The following TUT7 variants were observed in gnomAD, a reference collection of about 807,000 sequenced individuals.
TUT7 encodes the protein terminal uridylyl transferase 7, also known as terminal uridylyltransferase 7.
A neutral mutation model predicts 165.9 loss-of-function variants in TUT7; 33 were observed. The observed-to-expected ratio is 0.20, with a 90% CI of 0.15 to 0.27. The LOEUF (loss-of-function observed/expected upper bound fraction) is 0.27, where lower values mean the gene tolerates loss of function less well. Ranked by LOEUF, TUT7 falls within the 10% of genes least tolerant of loss-of-function variation. The pLI is 1.00. For missense variants in TUT7, 1,338 were observed against 1,762.3 expected, an observed-to-expected ratio of 0.76 and a Z score of 4.31; for synonymous variants, 552 against 608.1, an observed-to-expected ratio of 0.91 and a Z score of 1.36.
chr9:86,320,257 C>CAAA (rs10656642), intron 14 of TUT7, among the ~76,000 whole-genome samples: 168 of 112,328 alleles, frequency 1.5e-3, no homozygotes, highest in Middle Eastern at 4.6e-3. Flanking sequence ...AAAAATTTCC[C>CAAA]AAAAAAAAAA....
intron 26 of TUT7, among the ~76,000 whole-genome samples, 167 bp downstream of exon 26, chr9:86,301,109 T>C (rs1826848097): frequency 6.6e-6 from 1 of 152,138 alleles, no homozygotes; most frequent in Non-Finnish European, 1.5e-5. Flanking sequence ...ATATGGAGGA[T>C]CAACATTAAA....
At chr9:86,315,523 T>A (rs1031994355) in intron 17 of TUT7, among the ~76,000 whole-genome samples, 1 of 152,246 alleles carries the variant, frequency 6.6e-6, no homozygotes, top group Non-Finnish European at 1.5e-5. Flanking sequence ...ATGCAACTTT[T>A]GCTGCTTTCC....
chr9:86,291,764 T>C (rs998748018), intron 26 of TUT7, among the ~76,000 whole-genome samples: 2 of 152,124 alleles, frequency 1.3e-5, no homozygotes, highest in Non-Finnish European at 2.9e-5. Flanking sequence ...GTTCTAATTA[T>C]TTCAGCCAAT....
Position 86,352,864 on chromosome 9 carries a change from G to T in TUT7, c.336C>A (p.Asn112Lys), listed in dbSNP as rs1290648051. Residue 112 changes from asparagine (N) to lysine (K), a missense_variant, in exon 2 of 27, where the codon AAC (asparagine) becomes AAA (lysine). Asn to Lys is a moderately conservative substitution (Grantham distance 94). Transcript: ENST00000375963. ...LSDEHTGNSD[N>K]WREFKPGPRI... ...TAGGTCCAGGTTTGAATTCTCTCCA[G>T]TTGTCTGAATTACCAGTATGTTCAT... 6.2e-7 allele frequency: 1 copy of T among 1,614,170 alleles called. No individual in the cohort carries two copies. The highest frequency in any genetic ancestry group is 8.5e-7 in the Non-Finnish European group (1 of 1,180,034).
chr9:86,337,303 T>C, intron 10 of TUT7, 116 bp downstream of exon 10: 1 of 1,154,314 alleles, frequency 8.7e-7, no homozygotes, highest in East Asian at 2.4e-5. Context: ...ATGAGTAGAA[T>C]AAATAAATCC....
intron 25 of TUT7, among the ~76,000 whole-genome samples, chr9:86,302,840 C>T (rs929845049): frequency 1.4e-4 from 22 of 152,126 alleles, no homozygotes; most frequent in African/African-American, 4.6e-4. Flanking sequence ...AACTCCTGAC[C>T]TCAGGTGATC....
At chr9:86,320,467 T>G (rs1248924981) in intron 14 of TUT7, among the ~76,000 whole-genome samples, 1 of 152,186 alleles carries the variant, frequency 6.6e-6, no homozygotes, top group East Asian at 1.9e-4. Flanking sequence ...GGCTATTAAT[T>G]AGCGTTACTC....
chr9:86,319,217 C>A (rs890878704), intron 15 of TUT7, among the ~76,000 whole-genome samples, 159 bp from the exon 16 acceptor site: 2 of 152,126 alleles, frequency 1.3e-5, no homozygotes, highest in East Asian at 3.9e-4. Context: ...ATGCTAAAGT[C>A]TTTTTCTCTC....
At position 86,323,789 on chromosome 9, in the gene TUT7, G is replaced by A; in HGVS notation, c.1961C>T (p.Ser654Phe). 6.2e-7 allele frequency: 1 copy of A among 1,613,904 alleles called. No homozygotes were observed. The highest frequency in any genetic ancestry group is 2.2e-5 in the East Asian group (1 of 44,884). ...TGGATGATGATTTATTACTTCTTTA[G>A]AATGTTCTGAAATACATGTAATTGC... is the stretch of plus-strand genomic sequence containing the variant. ...LNAITCISEH[S>F]KEVINHHPDV... The change falls in exon 13 of 27, where the codon TCT becomes TTT. Residue 654 changes from serine (S) to phenylalanine (F), a missense_variant. Around this residue, in one of 7 missense-constraint regions of TUT7, gnomAD observed 425 missense variants for 474.9 expected, o/e 0.89. Transcript: ENST00000375963.
At position 86,346,457 on chromosome 9, in the gene TUT7, G is replaced by A; in HGVS notation, c.544C>T (p.Pro182Ser). ...SPENKKQRSR[P>S]RKPRKTRNEE... The stretch of plus-strand genomic sequence containing the variant: ...TTTCTAGTCTTCCGTGGCTTCCTAG[G>A]TCTGGACCTCTGCTTCTTGTTTTCT... The change falls in exon 3 of 27, where the codon CCT (proline) becomes TCT (serine). Residue 182 changes from proline to serine, a missense_variant. Physicochemically the swap from Pro to Ser is moderately conservative, Grantham distance 74. Around this residue, in one of 7 missense-constraint regions of TUT7, gnomAD observed 434 missense variants for 480.8 expected, o/e 0.90. Coordinates refer to ENST00000375963, the MANE Select transcript of TUT7 (RefSeq NM_024617.4). 6.2e-7 allele frequency: 1 copy of A among 1,613,020 alleles called. No individual in the cohort carries two copies. Among genetic ancestry groups the A allele is most frequent in the African/African-American group, 1.3e-5 (1 of 74,932 alleles).
intron 9 of TUT7, among the ~76,000 whole-genome samples, chr9:86,337,956 G>C (rs908772657): frequency 5.3e-5 from 8 of 152,158 alleles, no homozygotes; most frequent in African/African-American, 1.9e-4. Context: ...TGGTCACAAA[G>C]ATTGGCGTGG....
rs766868268 is a variant in TUT7 at position 86,303,086 on chromosome 9, T to C, written c.4094A>G (p.Lys1365Arg). The change falls in exon 25 of 27, where the codon AAA becomes AGA. Residue 1365 changes from lysine to arginine, a missense_variant and splice_region_variant. Physicochemically the swap from Lys to Arg is conservative, Grantham distance 26. Transcript: ENST00000375963. ...CCAACCCCTTTGAACATTTACTTAC[T>C]TTCTCCTCATAGGACAGTCCTTCAT... ...HFMKDCPMRR[K>R]VRRRRDQEDA... The C allele has an allele frequency of 1.3e-6, 2 of 1,511,816 alleles. No homozygotes were observed. The highest frequency in any genetic ancestry group is 4.6e-5 in the East Asian group (2 of 43,534). 93.7% of individuals were successfully genotyped at this position (1,511,816 alleles called of 1,614,324 possible). A position where few individuals can be genotyped will look rare whatever the true frequency, so the allele number is the denominator to read the frequency against.
At chr9:86,337,634 T>C (rs1830926961) in intron 9 of TUT7, 96 bp from the exon 10 acceptor site, 1 of 1,370,184 alleles carries the variant, frequency 7.3e-7, no homozygotes. Flanking sequence ...TCTTGTTTAC[T>C]ACATGATTTA....
Position 86,338,964 on chromosome 9 carries a change from G to A in TUT7, c.1209-15C>T. The A allele has an allele frequency of 2.6e-6, 4 of 1,559,044 alleles. No homozygotes were observed. The highest frequency in any genetic ancestry group is 1.7e-4 in the Middle Eastern group (1 of 5,862). ...ACAGAAGACCACTGGTGAGAGGTGG[G>A]GGAGGAGGATGGGAAAGAAAAAAAG... is the stretch of plus-strand genomic sequence containing the variant. On this transcript the variant is annotated splice_polypyrimidine_tract_variant and intron_variant, in intron 8 of 26. Coordinates refer to ENST00000375963, the MANE Select transcript of TUT7 (RefSeq NM_024617.4).
intron 12 of TUT7, among the ~76,000 whole-genome samples, chr9:86,324,165 C>T (rs79634506): frequency 1.4e-3 from 208 of 152,186 alleles, no homozygotes; most frequent in Non-Finnish European, 2.4e-3. Flanking sequence ...TCTGAAACAT[C>T]GGCTCTATGA....
rs1161753319 is a variant in TUT7 at position 86,301,438 on chromosome 9, G to T, written c.4258C>A (p.Pro1420Thr). Residue 1420 changes from proline to threonine, a missense_variant, in exon 26 of 27, where the codon CCA becomes ACA. Around this residue, in one of 7 missense-constraint regions of TUT7, gnomAD observed 167 missense variants for 204.9 expected, o/e 0.82. Coordinates refer to ENST00000375963, the MANE Select transcript of TUT7 (RefSeq NM_024617.4). ...CCCAGGTCAGCAGCTGCCCGCATTG[G>T]CTTGGCTTTCTGAGGTGTGCACTGT... ...PIQCTPQKAKPMRAAADLGRE... is the reference protein window; with the variant it reads ...PIQCTPQKAKTMRAAADLGRE... 3.7e-6 allele frequency: 6 copies of T among 1,614,016 alleles called. No individual in the cohort carries two copies. In the Admixed American group the frequency reaches 5.0e-5, roughly 13 times the overall value.
chr9:86,313,698 C>T (rs879463400), intron 17 of TUT7, among the ~76,000 whole-genome samples: 2 of 152,034 alleles, frequency 1.3e-5, no homozygotes, highest in Admixed American at 1.3e-4. Context: ...CCAAGGATGC[C>T]AATATCAACA....
At chr9:86,300,980 T>G (rs548686419) in intron 26 of TUT7, among the ~76,000 whole-genome samples, 66 of 152,356 alleles carry the variant, frequency 4.3e-4, no homozygotes, top group Non-Finnish European at 8.1e-4. Context: ...GCTTCTTTTC[T>G]GGTCACTGAG....
intron 2 of TUT7, chr9:86,352,441 G>C (rs542428671): frequency 1.7e-6 from 1 of 586,510 alleles, no homozygotes; most frequent in African/African-American, 1.9e-5. Flanking sequence ...GTTTACTGAC[G>C]TAAAGTGAGC....
Sources: allele counts gnomAD v4.1 joint callset (sites outside exome capture counted in the v4.1 genomes callset), GRCh38; gene constraint gnomAD v4.1.1; regional missense constraint gnomAD v4.1.1; transcripts MANE v1.5; gene names NCBI Gene and HGNC (gene_info 2026-07-23, HGNC 2026-07-21).